The following PDE4D variants were observed in gnomAD, a reference collection of about 807,000 sequenced individuals.
The protein encoded by PDE4D is 3',5'-cyclic-AMP phosphodiesterase 4D.
In PDE4D, 24 loss-of-function variants were observed where a neutral mutation model predicts 87.4. That is an observed-to-expected ratio of 0.27 (90% confidence interval 0.20 to 0.39). The LOEUF (loss-of-function observed/expected upper bound fraction) is 0.39, where lower values mean the gene tolerates loss of function less well. PDE4D is among the 10% of genes least tolerant of loss of function. The pLI is 1.00. For missense variants in PDE4D, 714 were observed against 1,041.0 expected, an observed-to-expected ratio of 0.69 and a Z score of 4.32; for synonymous variants, 384 against 383.2, an observed-to-expected ratio of 1.00 and a Z score of -0.02.
At chr5:59,869,924 A>G (rs1434961409) in intron 1 of PDE4D, among the ~76,000 whole-genome samples, 2 of 152,220 alleles carry the variant, frequency 1.3e-5, no homozygotes, top group African/African-American at 4.8e-5. Context: ...ATGCTAGGAA[A>G]GTAATAGTAT....
rs1755462385 is a variant in PDE4D at position 59,232,560 on chromosome 5, C to T, written c.456-16592G>A. On this transcript the variant is annotated intron_variant, in intron 1 of 14. Transcript: ENST00000340635. Reference sequence around the variant, plus strand: ...GTGAGGAAGTGGAGAAAAGGGAATTCTTAGTTGGTGGGAATATAAATTAAT... The same window carrying T: ...GTGAGGAAGTGGAGAAAAGGGAATTTTTAGTTGGTGGGAATATAAATTAAT... Among the ~76,000 whole-genome samples, 5 of 149,382 alleles carry T rather than the reference C, an allele frequency of 3.3e-5. No homozygotes were observed. In the South Asian group the frequency reaches 1.1e-3, roughly 32 times the overall value.
At position 60,016,025 on chromosome 5, in the gene PDE4D, C is replaced by G. The variant is rs200224328; in HGVS notation, c.43-27308G>C. On this transcript the variant is annotated intron_variant, in intron 2 of 16. Coordinates refer to the PDE4D transcript ENST00000502484. ...AATAATCTCTGTTCTCTCTCTCTCT[C>G]TGTGTGTGTGTGTGTGTGTGTGTGT... Among the ~76,000 whole-genome samples the G allele has an allele frequency of 9.9e-3, 1,449 of 146,782 alleles. 21 individuals are homozygous for G. The highest frequency in any genetic ancestry group is 0.047 in the Admixed American group (684 of 14,698).
intron 1 of PDE4D, among the ~76,000 whole-genome samples, chr5:59,331,502 T>C (rs1776720465): frequency 6.6e-6 from 1 of 152,188 alleles, no homozygotes; most frequent in Non-Finnish European, 1.5e-5. Flanking sequence ...AATCTTCAAA[T>C]AAAGCCACAT....
At chr5:59,830,303 C>A (rs1002481382) in intron 1 of PDE4D, among the ~76,000 whole-genome samples, 1 of 148,606 alleles carries the variant, frequency 6.7e-6, no homozygotes, top group Non-Finnish European at 1.5e-5. Flanking sequence ...AGGATTAATA[C>A]CGCTTGAGTT....
At chr5:60,087,209 A>G (rs899818026) in intron 2 of PDE4D, among the ~76,000 whole-genome samples, 4 of 152,248 alleles carry the variant, frequency 2.6e-5, no homozygotes, top group African/African-American at 9.6e-5. Flanking sequence ...GACTCCCAGA[A>G]TGGGAAGAAA....
At chr5:60,475,613 T>C (rs1561297217) in intron 1 of PDE4D, among the ~76,000 whole-genome samples, 1 of 152,136 alleles carries the variant, frequency 6.6e-6, no homozygotes, top group African/African-American at 2.4e-5. Flanking sequence ...ACCATTCTTT[T>C]TCCTTTCATT....
intron 2 of PDE4D, among the ~76,000 whole-genome samples, chr5:60,017,178 G>A (rs1267240776): frequency 6.6e-6 from 1 of 152,138 alleles, no homozygotes; most frequent in Non-Finnish European, 1.5e-5. Context: ...TAAGCAGTAG[G>A]TCTCAATAGT....
chr5:59,988,669 G>A (rs1266456259), exon 3 of PDE4D: 5 of 1,598,874 alleles, frequency 3.1e-6, no homozygotes, highest in Middle Eastern at 1.7e-4. Flanking sequence ...TCCATTCCGC[G>A]GAAAGGGTCT....
At chr5:59,572,542 G>T (rs779450229) in intron 1 of PDE4D, among the ~76,000 whole-genome samples, 2 of 152,050 alleles carry the variant, frequency 1.3e-5, no homozygotes, top group African/African-American at 4.8e-5. Flanking sequence ...CTGCAGTGGC[G>T]CTATCTGGGC....
intron 1 of PDE4D, among the ~76,000 whole-genome samples, chr5:60,213,230 C>G (rs1562225041): frequency 6.6e-6 from 1 of 152,192 alleles, no homozygotes; most frequent in Non-Finnish European, 1.5e-5. Context: ...TCTAGTGAGA[C>G]AGCTGGCAGA....
chr5:60,014,089 C>CT (rs1478605520), intron 2 of PDE4D, among the ~76,000 whole-genome samples: 1 of 131,174 alleles, frequency 7.6e-6, no homozygotes, highest in African/African-American at 3.1e-5. Context: ...AAGACTCCAC[C>CT]TTAAAAAAAA....
rs138841486 is a variant in PDE4D, at chr5:60,151,240, C to T, written c.42+34317G>A. ...TTTAGAAGCAACTTTACATTTTGTT[C>T]CCAAAATGATCTGCCTGCCTCAGTC... is the stretch of plus-strand genomic sequence containing the variant. On this transcript the variant is annotated intron_variant, in intron 2 of 16. Transcript: ENST00000502484. 5.0e-3 allele frequency among the ~76,000 whole-genome samples: 768 copies of T among 152,192 alleles called. 3 individuals are homozygous for T. The highest frequency in any genetic ancestry group is 8.6e-3 in the Non-Finnish European group (587 of 67,996).
chr5:60,433,290 C>T (rs567941874), intron 1 of PDE4D, among the ~76,000 whole-genome samples: 1 of 152,136 alleles, frequency 6.6e-6, no homozygotes, highest in South Asian at 2.1e-4. Context: ...CAAAATAAGA[C>T]ATTTACACGG....
intron 2 of PDE4D, among the ~76,000 whole-genome samples, chr5:59,993,264 T>G (rs942857654): frequency 2.0e-5 from 3 of 152,178 alleles, no homozygotes; most frequent in Non-Finnish European, 4.4e-5. Context: ...ATATTAAAGT[T>G]TGAGAACTAA....
At chr5:59,908,125 T>G (rs1753032857) in intron 3 of PDE4D, among the ~76,000 whole-genome samples, 1 of 152,128 alleles carries the variant, frequency 6.6e-6, no homozygotes, top group Non-Finnish European at 1.5e-5. Flanking sequence ...TTGATGAAAT[T>G]AAAGACTTGG....
intron 1 of PDE4D, among the ~76,000 whole-genome samples, chr5:60,467,135 G>A (rs1015075905): frequency 6.6e-5 from 10 of 151,984 alleles, no homozygotes; most frequent in Admixed American, 2.6e-4. Flanking sequence ...CACCTCCTGG[G>A]TTCAAGCTAT....
At chr5:59,758,267 A>G (rs2150762515) in intron 1 of PDE4D, among the ~76,000 whole-genome samples, 1 of 152,256 alleles carries the variant, frequency 6.6e-6, no homozygotes, top group East Asian at 1.9e-4. Flanking sequence ...CTTACATCCA[A>G]CCTTGGTTGT....
At chr5:60,331,251 A>G (rs1757285248) in intron 1 of PDE4D, among the ~76,000 whole-genome samples, 1 of 152,158 alleles carries the variant, frequency 6.6e-6, no homozygotes, top group Non-Finnish European at 1.5e-5. Flanking sequence ...TGGGTCTGTT[A>G]CTTAACTCCC....
intron 2 of PDE4D, among the ~76,000 whole-genome samples, chr5:60,038,023 T>A (rs1767999346): frequency 6.6e-6 from 1 of 152,150 alleles, no homozygotes; most frequent in Admixed American, 6.5e-5. Flanking sequence ...GTTAAATCCA[T>A]TAAAAAATAT....
Sources: gnomAD v4.1 joint callset for allele counts (sites outside exome capture counted in the v4.1 genomes callset) on GRCh38, gnomAD v4.1.1 for gene constraint, MANE v1.5 for transcripts, NCBI Gene and HGNC (gene_info 2026-07-23, HGNC 2026-07-21) for gene names.